BCAS3: variants seen among roughly 807,000 people sequenced by gnomAD.
The protein encoded by BCAS3 is BCAS4/BCAS3 fusion.
A neutral mutation model predicts 116.1 loss-of-function variants in BCAS3; 53 were observed. The observed-to-expected ratio is 0.46, with a 90% CI of 0.37 to 0.57. The LOEUF (loss-of-function observed/expected upper bound fraction) is 0.57, where lower values mean the gene tolerates loss of function less well. Ranked by LOEUF, BCAS3 falls within the 20% of genes least tolerant of loss-of-function variation. The probability of loss-of-function intolerance (pLI) is 0.00; values close to 1 mark genes in which losing one functional copy is unlikely to be tolerated. For synonymous variants in BCAS3, 391 were observed against 408.2 expected, an observed-to-expected ratio of 0.96 and a Z score of 0.51; for missense variants, 917 against 1,165.4, an observed-to-expected ratio of 0.79 and a Z score of 3.10.
intron 22 of BCAS3, among the ~76,000 whole-genome samples, chr17:61,292,374 G>A (rs1444533168): frequency 6.6e-6 from 1 of 152,172 alleles, no homozygotes; most frequent in Non-Finnish European, 1.5e-5. Context: ...TGAGGGGCCG[G>A]GCATGGTGGC....
chr17:61,001,631 A>C (rs1379643331), intron 15 of BCAS3, among the ~76,000 whole-genome samples: 3 of 152,180 alleles, frequency 2.0e-5, no homozygotes, highest in African/African-American at 4.8e-5. Context: ...AGAGTATATA[A>C]ATAGTATAAA....
At chr17:61,218,494 TG>T (rs2081933320) in intron 22 of BCAS3, among the ~76,000 whole-genome samples, 1 of 152,222 alleles carries the variant, frequency 6.6e-6, no homozygotes, top group African/African-American at 2.4e-5. Context: ...AGTGAGTAAT[TG>T]CAACTGCATT....
intron 4 of BCAS3, among the ~76,000 whole-genome samples, chr17:60,691,319 T>A (rs2034792736): frequency 6.6e-6 from 1 of 152,164 alleles, no homozygotes; most frequent in Admixed American, 6.6e-5. Context: ...ACCATGGTTT[T>A]CCTCAGTGAA....
intron 22 of BCAS3, among the ~76,000 whole-genome samples, chr17:61,114,895 T>G (rs1179612955): frequency 1.3e-5 from 2 of 151,898 alleles, no homozygotes; most frequent in African/African-American, 4.8e-5. Flanking sequence ...AACAAAGATA[T>G]AGATCAATGG....
rs199695608 is a variant in BCAS3 at position 61,232,805 on chromosome 17, ACTTT to A, written c.2426-135517_2426-135514del. ...AATAATTATTATCACCATTAAAACAACTTTCTTTGTCTATTTCAATTATTTTCTT... is the reference window on the plus strand; with the variant it reads ...AATAATTATTATCACCATTAAAACAACTTTGTCTATTTCAATTATTTTCTT... On this transcript the variant is annotated intron_variant, in intron 22 of 23. Transcript: ENST00000407086. Among the ~76,000 whole-genome samples the A allele has an allele frequency of 5.4e-3, 827 of 152,144 alleles. 13 individuals carry two copies. The highest frequency in any genetic ancestry group is 0.046 in the East Asian group (239 of 5,176).
intron 10 of BCAS3, among the ~76,000 whole-genome samples, chr17:60,894,920 G>A (rs2057408427): frequency 6.6e-6 from 1 of 152,058 alleles, no homozygotes; most frequent in African/African-American, 2.4e-5. Context: ...AATCCCCCTT[G>A]ATTGTGGTCT....
intron 11 of BCAS3, among the ~76,000 whole-genome samples, chr17:60,910,065 C>G (rs1009382983): frequency 6.6e-6 from 1 of 152,064 alleles, no homozygotes; most frequent in African/African-American, 2.4e-5. Flanking sequence ...CATTCTTTTC[C>G]ACATAGGTAT....
intron 11 of BCAS3, among the ~76,000 whole-genome samples, chr17:60,907,995 C>T (rs1311872814): frequency 2.0e-5 from 3 of 152,142 alleles, no homozygotes; most frequent in Admixed American, 6.5e-5. Context: ...ATGCAGAAAA[C>T]TTCCAGCACT....
Position 61,285,210 on chromosome 17 carries a change from TG to T in BCAS3, c.2426-83116del, listed in dbSNP as rs1028015179. ...ACTTGAGAACTAAATTGGGGTGTTT[TG>T]CTTTTCCCCTCCTCCTAGGTTGTGT... On this transcript the variant is annotated intron_variant, in intron 22 of 23. Coordinates refer to ENST00000407086, the MANE Select transcript of BCAS3 (RefSeq NM_017679.5). This position sits in a 1 kb window ranked among gnomAD's most constrained non-coding sequence, Gnocchi z 5.4. Among the ~76,000 whole-genome samples, 1 of 144,750 alleles carries T rather than the reference TG, an allele frequency of 6.9e-6. No homozygotes were observed. Among genetic ancestry groups the T allele is most frequent in the African/African-American group, 2.7e-5 (1 of 36,498 alleles). 95.0% of individuals were successfully genotyped at this position (144,750 alleles called of 152,430 possible).
intron 23 of BCAS3, among the ~76,000 whole-genome samples, chr17:61,382,375 C>T (rs545884050): frequency 4.6e-5 from 7 of 151,632 alleles, no homozygotes; most frequent in Admixed American, 3.9e-4. Context: ...ATTCTCCTGC[C>T]TCAGCCTCCC....
In BCAS3 at chr17:61,381,294, T is replaced by C. The variant is rs1037088523; in HGVS notation, c.2594-10683T>C. Among the ~76,000 whole-genome samples, 7 of 152,164 alleles carry C rather than the reference T, an allele frequency of 4.6e-5. No individual in the cohort carries two copies. The highest frequency in any genetic ancestry group is 1.4e-4 in the African/African-American group (6 of 41,440). On this transcript the variant is annotated intron_variant, in intron 23 of 23. Transcript: ENST00000407086. The surrounding 1 kb of genome is among the most constrained non-coding windows in gnomAD (Gnocchi z 6.0). ...GAAAGGCTCGCCTGAGCCAGCTGAA[T>C]TGAATAATGAATAGAGCCCCGGCAC...
In BCAS3 at chr17:61,065,732, G is replaced by A. The variant is rs2070542327; in HGVS notation, c.2030-9188G>A. On this transcript the variant is annotated intron_variant, in intron 19 of 23. Coordinates refer to ENST00000407086, the MANE Select transcript of BCAS3 (RefSeq NM_017679.5). The surrounding 1 kb of genome is among the most constrained non-coding windows in gnomAD (Gnocchi z 4.8). ...TAAAGAGTAGGAGAAAACAAAAACT[G>A]TGTCTGGTCCTGAATCTGAAGAATT... 6.6e-6 allele frequency among the ~76,000 whole-genome samples: 1 copy of A among 152,142 alleles called. No homozygotes were observed. Among genetic ancestry groups the A allele is most frequent in the Admixed American group, 6.5e-5 (1 of 15,274 alleles).
chr17:61,080,832 G>A (rs2072529859), intron 21 of BCAS3, among the ~76,000 whole-genome samples: 1 of 152,058 alleles, frequency 6.6e-6, no homozygotes, highest in Admixed American at 6.6e-5. Context: ...TTAATACCTT[G>A]TTTAGTATTT....
intron 7 of BCAS3, among the ~76,000 whole-genome samples, chr17:60,816,552 C>T (rs1047563518): frequency 9.2e-5 from 14 of 152,140 alleles, no homozygotes; most frequent in African/African-American, 2.2e-4. Context: ...GGATTACAGG[C>T]GTGCACTACC....
chr17:61,327,172 G>A lies in BCAS3; in HGVS notation c.2426-41155G>A, dbSNP rs2055803141. Among the ~76,000 whole-genome samples the A allele has an allele frequency of 6.6e-6, 1 of 151,868 alleles. No individual in the cohort carries two copies. The highest frequency in any genetic ancestry group is 2.4e-5 in the African/African-American group (1 of 41,338). On this transcript the variant is annotated intron_variant, in intron 22 of 23. Transcript: ENST00000407086. This position sits in a 1 kb window ranked among gnomAD's most constrained non-coding sequence, Gnocchi z 5.9. ...ACAAAAATTAGCTGGGTGTGGTGGC[G>A]GGCGCCTGTAGTCCCAGCTACTAGG...
chr17:60,844,944 A>T (rs2052364318), intron 7 of BCAS3, among the ~76,000 whole-genome samples: 1 of 152,208 alleles, frequency 6.6e-6, no homozygotes, highest in Non-Finnish European at 1.5e-5. Flanking sequence ...AAATGCTCCA[A>T]CAAGGCTGGG....
At chr17:60,943,649 C>G in intron 13 of BCAS3, among the ~76,000 whole-genome samples, 1 of 152,012 alleles carries the variant, frequency 6.6e-6, no homozygotes, top group East Asian at 1.9e-4. Context: ...GAACAGAAAG[C>G]AGTCAGTCAG....
At chr17:60,810,194 C>A in intron 7 of BCAS3, 1 of 426,378 alleles carries the variant, frequency 2.3e-6, no homozygotes, top group South Asian at 2.1e-5. Context: ...CCACGTTCTC[C>A]ACCAAACTAC....
intron 7 of BCAS3, among the ~76,000 whole-genome samples, chr17:60,819,721 C>T: frequency 6.6e-6 from 1 of 151,854 alleles, no homozygotes; most frequent in Non-Finnish European, 1.5e-5. Context: ...CCTCCCTTCC[C>T]CTCCCCTTCT....
Sources: allele counts gnomAD v4.1 joint callset (sites outside exome capture counted in the v4.1 genomes callset), GRCh38; gene constraint gnomAD v4.1.1; non-coding constraint Gnocchi (gnomAD v3.1); transcripts MANE v1.5; gene names NCBI Gene and HGNC (gene_info 2026-07-23, HGNC 2026-07-21).